UGT1A9: variants seen among roughly 807,000 people sequenced by gnomAD.
UGT1A9 encodes UDP-glucuronosyltransferase 1A9.
A neutral mutation model predicts 45.0 loss-of-function variants in UGT1A9; 35 were observed. That is an observed-to-expected ratio of 0.78 (90% CI 0.59 to 1.03). The LOEUF (loss-of-function observed/expected upper bound fraction) is 1.03. Ranked by LOEUF, UGT1A9 falls within the 50% of genes least tolerant of loss-of-function variation. UGT1A9 has a pLI of 0.00. For synonymous variants in UGT1A9, 278 were observed against 250.6 expected (o/e 1.11, Z -1.03); for missense variants, 687 against 666.6 (o/e 1.03, Z -0.34).
intron 1 of UGT1A9, among the ~76,000 whole-genome samples, chr2:233,698,975 G>A (rs527808539): frequency 6.6e-6 from 1 of 152,336 alleles, no homozygotes; most frequent in African/African-American, 2.4e-5. Context: ...AAGCCCTTTG[G>A]CCACCCAGGT....
chr2:233,719,292 G>C (rs146073833), intron 1 of UGT1A9: 1 of 1,613,496 alleles, frequency 6.2e-7, no homozygotes, highest in South Asian at 1.1e-5. Flanking sequence ...TAACCTCTGT[G>C]GGGCGGTGCT....
Position 233,691,390 on chromosome 2 carries a change from G to C in UGT1A9, c.855+18601G>C, listed in dbSNP as rs912355070. 19 of 985,468 alleles carry C rather than the reference G, an allele frequency of 1.9e-5. No homozygotes were observed. In the African/African-American group the frequency reaches 3.1e-4, roughly 16 times the overall value. 61.0% of individuals were successfully genotyped at this position (985,468 alleles called of 1,614,324 possible). A position where few individuals can be genotyped will look rare whatever the true frequency, so the allele number is the denominator to read the frequency against. ...GCATCCTGGTTATGTTCCCCATGGG[G>C]GCCAGCCCTGTCCTTGGAGTGGCCC... is the stretch of plus-strand genomic sequence containing the variant. On this transcript the variant is annotated intron_variant, in intron 1 of 4. Transcript: ENST00000354728.
intron 1 of UGT1A9, among the ~76,000 whole-genome samples, chr2:233,732,129 GTTGT>G (rs201829156): frequency 0.39 from 58,964 of 151,470 alleles, 11,923 homozygotes; most frequent in African/African-American, 0.5. Context: ...TTTTGATGAG[GTTGT>G]TTGTTTGTTT....
At chr2:233,741,088 C>T (rs758751982) in intron 1 of UGT1A9, among the ~76,000 whole-genome samples, 13 of 151,840 alleles carry the variant, frequency 8.6e-5, no homozygotes, top group Non-Finnish European at 1.9e-4. Flanking sequence ...TTAAAACAAA[C>T]AAGCAAACAG....
chr2:233,673,438 C>T (rs17862857), intron 1 of UGT1A9, among the ~76,000 whole-genome samples: 28,700 of 151,924 alleles, frequency 0.19, 2,864 homozygotes, highest in Non-Finnish European at 0.23. Context: ...GCCGTGTAAA[C>T]ACTCTTTAAT....
chr2:233,691,799 C>A (rs996955976), intron 1 of UGT1A9: 20 of 224,136 alleles, frequency 8.9e-5, no homozygotes, highest in Admixed American at 2.6e-4. Context: ...ACTTATACTT[C>A]TCAAATCTTA....
At chr2:233,751,021 C>A (rs74787288) in intron 1 of UGT1A9, among the ~76,000 whole-genome samples, 1 of 151,772 alleles carries the variant, frequency 6.6e-6, no homozygotes, top group East Asian at 1.9e-4. Flanking sequence ...AATAGTAGAT[C>A]CAATAGCTTG....
chr2:233,718,715 T>C, intron 1 of UGT1A9: 1 of 1,608,238 alleles, frequency 6.2e-7, no homozygotes, highest in Non-Finnish European at 8.5e-7. Context: ...TCCAATTACA[T>C]GCTGATTTGC....
At chr2:233,711,896 C>T (rs1316826464) in intron 1 of UGT1A9, among the ~76,000 whole-genome samples, 1 of 152,152 alleles carries the variant, frequency 6.6e-6, no homozygotes, top group African/African-American at 2.4e-5. Flanking sequence ...GTCTCATGGG[C>T]GTGAGACCAT....
rs777795406 is a variant in UGT1A9 at position 233,672,292 on chromosome 2, T to A, written c.358T>A (p.Phe120Ile). The change falls in exon 1 of 5, where the codon TTT becomes ATT. Residue 120 changes from phenylalanine (F) to isoleucine (I), a missense_variant. Coordinates refer to ENST00000354728, the MANE Select transcript of UGT1A9 (RefSeq NM_021027.3). ...MGSYNDIFDL[F>I]FSNCRSLFKD... Reference sequence around the variant, plus strand: ...TTCATACAATGACATTTTTGACTTATTTTTTTCAAATTGCAGGAGTTTGTT... The same window carrying A: ...TTCATACAATGACATTTTTGACTTAATTTTTTCAAATTGCAGGAGTTTGTT... The A allele has an allele frequency of 8.1e-6, 13 of 1,613,840 alleles. No homozygotes were observed. The East Asian group carries it at 2.9e-4, about 36-fold the overall frequency.
At chr2:233,697,374 A>T (rs1382201272) in intron 1 of UGT1A9, among the ~76,000 whole-genome samples, 1 of 152,066 alleles carries the variant, frequency 6.6e-6, no homozygotes, top group East Asian at 1.9e-4. Flanking sequence ...TATAGAGTTC[A>T]CAATAATCGC....
At chr2:233,689,269 T>C (rs6707947) in intron 1 of UGT1A9, among the ~76,000 whole-genome samples, 93,584 of 152,068 alleles carry the variant, frequency 0.62, 29,068 homozygotes, top group South Asian at 0.65. Flanking sequence ...ATTGTTATCA[T>C]ACTAAACTAA....
At chr2:233,747,473 T>A in intron 1 of UGT1A9, 2 of 1,608,772 alleles carry the variant, frequency 1.2e-6, no homozygotes, top group South Asian at 2.2e-5. Context: ...GGACCCAGGA[T>A]GAATTTGATC....
chr2:233,678,395 G>A (rs1432950526), intron 1 of UGT1A9, among the ~76,000 whole-genome samples: 2 of 152,186 alleles, frequency 1.3e-5, no homozygotes, highest in Non-Finnish European at 2.9e-5. Context: ...GGAGGAGGAG[G>A]AGTAGATGTT....
intron 1 of UGT1A9, among the ~76,000 whole-genome samples, chr2:233,708,081 T>G (rs1171584848): frequency 6.6e-6 from 1 of 152,226 alleles, no homozygotes; most frequent in African/African-American, 2.4e-5. Context: ...CTTTTTACTT[T>G]TATTCAAACG....
At chr2:233,757,778 T>A (rs1328848691) in intron 1 of UGT1A9, among the ~76,000 whole-genome samples, 1 of 151,774 alleles carries the variant, frequency 6.6e-6, no homozygotes, top group African/African-American at 2.4e-5. Flanking sequence ...AATAAGCCTG[T>A]CATTCTGATT....
chr2:233,768,076 A>G (rs1699558493), intron 3 of UGT1A9, 140 bp downstream of exon 3: 2 of 1,593,048 alleles, frequency 1.3e-6, no homozygotes, highest in African/African-American at 1.3e-5. Flanking sequence ...CTAGTGGGGT[A>G]TCTCAACCCA....
intron 1 of UGT1A9, among the ~76,000 whole-genome samples, chr2:233,722,564 C>G (rs2077023248): frequency 6.6e-6 from 1 of 152,184 alleles, no homozygotes; most frequent in Non-Finnish European, 1.5e-5. Flanking sequence ...TGATTTGTAG[C>G]TGCTTTTGCA....
intron 1 of UGT1A9, chr2:233,690,707 C>T: frequency 8.2e-7 from 1 of 1,225,470 alleles, no homozygotes; most frequent in Non-Finnish European, 1.0e-6. Context: ...TAGGGATCGT[C>T]ATTATGACGA....
Sources: allele counts gnomAD v4.1 joint callset (sites outside exome capture counted in the v4.1 genomes callset), GRCh38; gene constraint gnomAD v4.1.1; transcripts MANE v1.5; gene names NCBI Gene and HGNC (gene_info 2026-07-23, HGNC 2026-07-21).